Variants in ADCY9 observed in about 807,000 individuals in gnomAD.
ADCY9 encodes the protein adenylate cyclase type 9.
Under a neutral mutation model 101.5 loss-of-function variants are expected in ADCY9, and 50 were observed. The ratio of observed to expected loss-of-function variants is 0.49; its 90% CI spans 0.39 to 0.62. ADCY9 has a LOEUF of 0.62. ADCY9 is among the 20% of genes least tolerant of loss of function. The pLI is 0.00. For missense variants in ADCY9, 1,662 were observed against 1,800.4 expected, an observed-to-expected ratio of 0.92 and a Z score of 1.39; for synonymous variants, 905 against 769.3, an observed-to-expected ratio of 1.18 and a Z score of -2.92.
intron 2 of ADCY9, among the ~76,000 whole-genome samples, chr16:4,087,090 C>T (rs953038863): frequency 6.6e-6 from 1 of 152,078 alleles, no homozygotes; most frequent in South Asian, 2.1e-4. Context: ...ATGTCTTTTA[C>T]CTGCATTCTA....
At position 4,081,024 on chromosome 16, in the gene ADCY9, T is replaced by C. The variant is rs1440352663; in HGVS notation, c.1693+32726A>G. Among the ~76,000 whole-genome samples, 11 of 152,260 alleles carry C rather than the reference T, an allele frequency of 7.2e-5. No homozygotes were observed. The South Asian group carries it at 1.2e-3, about 17-fold the overall frequency. Reference sequence around the variant, plus strand: ...AATTAGAGAGATGAGAACTGAACCTTGACTCGAGGTAGGGAAAACACTATT... The same window carrying C: ...AATTAGAGAGATGAGAACTGAACCTCGACTCGAGGTAGGGAAAACACTATT... On this transcript the variant is annotated intron_variant, in intron 2 of 10. Coordinates refer to ENST00000294016, the MANE Select transcript of ADCY9 (RefSeq NM_001116.4).
At chr16:4,012,162 A>G (rs1054084458) in intron 2 of ADCY9, among the ~76,000 whole-genome samples, 2 of 152,236 alleles carry the variant, frequency 1.3e-5, no homozygotes, top group Admixed American at 6.5e-5. Context: ...ACGAAGGTCA[A>G]ACACACCTCC....
At chr16:4,026,551 A>C (rs924630583) in intron 2 of ADCY9, among the ~76,000 whole-genome samples, 17 of 152,180 alleles carry the variant, frequency 1.1e-4, no homozygotes, top group Non-Finnish European at 2.2e-4. Flanking sequence ...AAATGTTTGT[A>C]GCGGCACTAT....
chr16:4,074,344 A>ATTTT (rs776750988), intron 2 of ADCY9, among the ~76,000 whole-genome samples: 1 of 151,952 alleles, frequency 6.6e-6, no homozygotes, highest in African/African-American at 2.4e-5. Context: ...ATGACTTAAA[A>ATTTT]TAAGTGAGAA....
chr16:4,097,551 A>ATTTTT (rs1385822000), intron 2 of ADCY9, among the ~76,000 whole-genome samples: 2,003 of 50,850 alleles, frequency 0.039, 90 homozygotes, highest in East Asian at 0.11. Flanking sequence ...ATATATATAT[A>ATTTTT]TATTTTTTTT....
Position 3,979,245 on chromosome 16 carries a change from G to A in ADCY9, c.2550C>T (p.Ala850=). 1 of 1,613,940 alleles carries A rather than the reference G, an allele frequency of 6.2e-7. No homozygotes were observed. Among genetic ancestry groups the A allele is most frequent in the Non-Finnish European group, 8.5e-7 (1 of 1,179,976 alleles). Residue 850 remains alanine (A), a synonymous_variant, in exon 8 of 11, where the codon GCC becomes GCT. Coordinates refer to ENST00000294016, the MANE Select transcript of ADCY9 (RefSeq NM_001116.4). ...RMVFFLEDVM[A]CTKRLLEWIA... ...TCCACTCCAGCAGGCGCTTGGTGCA[G>A]GCCATGACGTCCTCCAGGAAGAACA... is the stretch of plus-strand genomic sequence containing the variant.
In ADCY9 at chr16:4,114,143, T is replaced by C. The variant is rs2057131734; in HGVS notation, c.1300A>G (p.Lys434Glu). 1 of 1,613,764 alleles carries C rather than the reference T, an allele frequency of 6.2e-7. No homozygotes were observed. Among genetic ancestry groups the C allele is most frequent in the Non-Finnish European group, 8.5e-7 (1 of 1,180,040 alleles). Residue 434 changes from lysine to glutamate, a missense_variant, in exon 2 of 11, where the codon AAG becomes GAG. Physicochemically the swap from Lys to Glu is moderately conservative, Grantham distance 56. Around this residue, in one of 5 missense-constraint regions of ADCY9, gnomAD observed 228 missense variants for 301.1 expected, o/e 0.76. Coordinates refer to ENST00000294016, the MANE Select transcript of ADCY9 (RefSeq NM_001116.4). The surrounding 1 kb of genome is among the most constrained non-coding windows in gnomAD (Gnocchi z 4.3). ...CCCAGGGTGCTGATTTTCTCACACTTGGTCTCCTCACACAGGCGGTCGAAG... is the reference window on the plus strand; with the variant it reads ...CCCAGGGTGCTGATTTTCTCACACTCGGTCTCCTCACACAGGCGGTCGAAG... The part of the protein sequence containing the change: ...GRFDRLCEET[K>E]CEKISTLGDC...
At chr16:3,980,345 A>C (rs2056130594) in intron 7 of ADCY9, among the ~76,000 whole-genome samples, 1 of 152,192 alleles carries the variant, frequency 6.6e-6, no homozygotes, top group Non-Finnish European at 1.5e-5. Flanking sequence ...GAGGAGGAGG[A>C]ACAGGTCTTG....
intron 2 of ADCY9, among the ~76,000 whole-genome samples, chr16:4,016,413 T>C (rs1020761482): frequency 6.6e-6 from 1 of 151,870 alleles, no homozygotes; most frequent in Non-Finnish European, 1.5e-5. Context: ...ATGCACCAGA[T>C]GCCACAGACG....
At chr16:4,051,298 G>C (rs775760462) in intron 2 of ADCY9, among the ~76,000 whole-genome samples, 26 of 152,014 alleles carry the variant, frequency 1.7e-4, no homozygotes, top group Non-Finnish European at 3.8e-4. Flanking sequence ...GGCTGAGGCA[G>C]GCAGATCACG....
At chr16:3,994,866 C>T (rs560945384) in intron 3 of ADCY9, among the ~76,000 whole-genome samples, 4 of 152,270 alleles carry the variant, frequency 2.6e-5, no homozygotes, top group South Asian at 2.1e-4. Context: ...TCTTAAGCTC[C>T]GTGTGATGGT....
chr16:3,978,087 CTT>C (rs2056108737), intron 8 of ADCY9, among the ~76,000 whole-genome samples: 2 of 152,136 alleles, frequency 1.3e-5, no homozygotes, highest in Non-Finnish European at 2.9e-5. Context: ...TGCAGTCAGT[CTT>C]ACTTTTGCTA....
chr16:4,026,104 T>A (rs959933649), intron 2 of ADCY9, among the ~76,000 whole-genome samples: 1 of 152,170 alleles, frequency 6.6e-6, no homozygotes, highest in African/African-American at 2.4e-5. Flanking sequence ...ATCAAGAAGT[T>A]AATTCACAAA....
At chr16:3,983,883 C>A (rs1349889383) in intron 6 of ADCY9, 1 of 161,226 alleles carries the variant, frequency 6.2e-6, no homozygotes. Flanking sequence ...TATAATCATG[C>A]CACTGCACTC....
Position 3,966,116 on chromosome 16 carries a change from G to C in ADCY9, c.3721C>G (p.Leu1241Val). The C allele has an allele frequency of 1.2e-6, 2 of 1,614,242 alleles. No individual in the cohort carries two copies. Among genetic ancestry groups the C allele is most frequent in the Non-Finnish European group, 1.7e-6 (2 of 1,180,046 alleles). The change falls in exon 11 of 11, where the codon CTG becomes GTG. Residue 1241 changes from leucine to valine, a missense_variant. Around this residue, in one of 5 missense-constraint regions of ADCY9, gnomAD observed 168 missense variants for 155.3 expected, o/e 1.08. Coordinates refer to ENST00000294016, the MANE Select transcript of ADCY9 (RefSeq NM_001116.4). The part of the protein sequence containing the change: ...VKGKGQMKTY[L>V]YPKCTDHRVI... ...CTGTGATCCGTGCACTTTGGGTACA[G>C]GTAGGTCTTCATCTGGCCTTTCCCC...
At chr16:4,066,918 C>T (rs2141165519) in intron 2 of ADCY9, among the ~76,000 whole-genome samples, 1 of 152,256 alleles carries the variant, frequency 6.6e-6, no homozygotes, top group East Asian at 1.9e-4. Context: ...TTTACTTTTC[C>T]ATAAATTTCA....
At chr16:4,093,752 C>T (rs888422606) in intron 2 of ADCY9, among the ~76,000 whole-genome samples, 3 of 152,100 alleles carry the variant, frequency 2.0e-5, no homozygotes, top group Non-Finnish European at 2.9e-5. Flanking sequence ...GAGCCAGACG[C>T]TGTCTCAAAA....
At chr16:4,029,559 C>T (rs759445463) in intron 2 of ADCY9, among the ~76,000 whole-genome samples, 8 of 152,108 alleles carry the variant, frequency 5.3e-5, no homozygotes, top group Non-Finnish European at 1.2e-4. Flanking sequence ...GCAGCCTGGC[C>T]AACATGGTGA....
chr16:4,003,793 C>T (rs2056348309), intron 3 of ADCY9, among the ~76,000 whole-genome samples: 1 of 152,080 alleles, frequency 6.6e-6, no homozygotes, highest in Non-Finnish European at 1.5e-5. Context: ...TGCGCCCCTG[C>T]CCGCCGTGGT....
Sources: allele counts gnomAD v4.1 joint callset (sites outside exome capture counted in the v4.1 genomes callset), GRCh38; gene constraint gnomAD v4.1.1; regional missense constraint gnomAD v4.1.1; non-coding constraint Gnocchi (gnomAD v3.1); transcripts MANE v1.5; gene names NCBI Gene and HGNC (gene_info 2026-07-23, HGNC 2026-07-21).